BEND7: variants seen among roughly 807,000 people sequenced by gnomAD.
BEND7 encodes the protein BEN domain containing 7, also known as BEN domain-containing protein 7.
A neutral mutation model predicts 50.9 loss-of-function variants in BEND7; 28 were observed. That is an observed-to-expected ratio of 0.55 (90% confidence interval 0.41 to 0.75). The LOEUF (loss-of-function observed/expected upper bound fraction) is 0.75. Among genes scored for constraint, BEND7 ranks in the 30% least tolerant of loss-of-function variants. The pLI, the probability that BEND7 is intolerant of heterozygous loss-of-function variation, is 0.00. For synonymous variants in BEND7, 170 were observed against 183.9 expected (o/e 0.92, Z 0.61); for missense variants, 477 against 491.3 (o/e 0.97, Z 0.28).
chr10:13,441,961 T>A lies in BEND7; in HGVS notation c.1235-211A>T, dbSNP rs74122730. On this transcript the variant is annotated intron_variant, in intron 8 of 8. Coordinates refer to ENST00000466271, the MANE Select transcript of BEND7 (RefSeq NM_001369863.1). ...GCCACGCCTAAAGCCAGCTTTTTGTTACAGTACAGGGATGCCTTCTCTCAT... is the reference window on the plus strand; with the variant it reads ...GCCACGCCTAAAGCCAGCTTTTTGTAACAGTACAGGGATGCCTTCTCTCAT... 1,512 of 596,070 alleles carry A rather than the reference T, an allele frequency of 2.5e-3. 18 individuals carry two copies. In the African/African-American group the frequency reaches 0.026, roughly 10 times the overall value. The allele number at this position is 596,070 out of a possible 1,614,324, so 36.9% of individuals were successfully genotyped here. A position where few individuals can be genotyped will look rare whatever the true frequency, so the allele number is the denominator to read the frequency against.
chr10:13,519,336 T>C lies in BEND7; in HGVS notation c.145+6802A>G, dbSNP rs113342040. Among the ~76,000 whole-genome samples, 914 of 151,758 alleles carry C rather than the reference T, an allele frequency of 6.0e-3. 9 individuals carry two copies. The highest frequency in any genetic ancestry group is 0.021 in the African/African-American group (878 of 41,382). ...AAAAAATACAAAAAAATTAGCCGGG[T>C]GTGGTGGCGGGCACCTGTAGTCCCA... On this transcript the variant is annotated intron_variant, in intron 2 of 8. Transcript: ENST00000466271.
At position 13,502,061 on chromosome 10, in the gene BEND7, A is replaced by ATG. The variant is rs745930539; in HGVS notation, c.146-1983_146-1982dup. Reference sequence around the variant, plus strand: ...GATCAATATATGTATATATAAGGATATGTATATATATATATGGATCAACAT... The same window carrying ATG: ...GATCAATATATGTATATATAAGGATATGTGTATATATATATATGGATCAACAT... On this transcript the variant is annotated intron_variant, in intron 2 of 8. Coordinates refer to ENST00000466271, the MANE Select transcript of BEND7 (RefSeq NM_001369863.1). Among the ~76,000 whole-genome samples, 4 of 131,602 alleles carry ATG rather than the reference A, an allele frequency of 3.0e-5. No homozygotes were observed. The East Asian group carries it at 1.1e-3, about 35-fold the overall frequency. The allele number at this position is 131,602 out of a possible 152,430, so 86.3% of individuals were successfully genotyped here.
intron 1 of BEND7, among the ~76,000 whole-genome samples, chr10:13,526,782 G>C (rs1287903579): frequency 6.6e-6 from 1 of 152,184 alleles, no homozygotes; most frequent in African/African-American, 2.4e-5. Context: ...TTCGCATTCA[G>C]CTACTGCACT....
chr10:13,500,618 T>G, intron 2 of BEND7: 1 of 986,552 alleles, frequency 1.0e-6, no homozygotes. Context: ...CTGGCAGGGA[T>G]GCAGGGCTTC....
At position 13,447,252 on chromosome 10, in the gene BEND7, T is replaced by C. The variant is rs776106717; in HGVS notation, c.1234+14A>G. ...TTCCAGGAGGTGATGAAAATGTAAA[T>C]GCGTTTTATTTACCTGTTGGTGGTA... On this transcript the variant is annotated intron_variant, in intron 8 of 8. Coordinates refer to ENST00000466271, the MANE Select transcript of BEND7 (RefSeq NM_001369863.1). The C allele has an allele frequency of 1.9e-6, 3 of 1,613,836 alleles. No homozygotes were observed. Among genetic ancestry groups the C allele is most frequent in the Non-Finnish European group, 2.5e-6 (3 of 1,179,776 alleles).
At chr10:13,444,467 AG>A (rs1436990018) in intron 8 of BEND7, 13 of 152,192 alleles carry the variant, frequency 8.5e-5, no homozygotes, top group African/African-American at 2.9e-4. Flanking sequence ...CTTTGGAAGG[AG>A]GAAAAAAGAC....
intron 6 of BEND7, 148 bp from the exon 7 acceptor site, chr10:13,452,806 G>T: frequency 1.4e-6 from 1 of 730,838 alleles, no homozygotes; most frequent in Non-Finnish European, 2.1e-6. Context: ...TATTATATTT[G>T]TTTGGCAAAG....
chr10:13,506,867 A>G (rs1328500151), intron 2 of BEND7, among the ~76,000 whole-genome samples: 2 of 152,102 alleles, frequency 1.3e-5, no homozygotes, highest in South Asian at 2.1e-4. Context: ...GATAACCCCA[A>G]GGTTTCCAGC....
chr10:13,472,993 C>G (rs1303342547), intron 6 of BEND7, among the ~76,000 whole-genome samples: 1 of 151,440 alleles, frequency 6.6e-6, no homozygotes, highest in Non-Finnish European at 1.5e-5. Flanking sequence ...GGGGTTGATA[C>G]TCGTCATCGC....
At chr10:13,485,473 G>A (rs971477141) in intron 5 of BEND7, among the ~76,000 whole-genome samples, 3 of 152,150 alleles carry the variant, frequency 2.0e-5, no homozygotes, top group African/African-American at 7.2e-5. Context: ...TGGGGGGCTG[G>A]GCTGGCTGGT....
chr10:13,439,254 T>C (rs144681411), downstream of BEND7: 2 of 1,614,162 alleles, frequency 1.2e-6, no homozygotes, highest in Non-Finnish European at 1.7e-6. Flanking sequence ...TCTCTGATGA[T>C]GAAGTGTAGC....
intron 7 of BEND7, among the ~76,000 whole-genome samples, chr10:13,450,708 A>G (rs1321162206): frequency 6.6e-6 from 1 of 152,046 alleles, no homozygotes; most frequent in Non-Finnish European, 1.5e-5. Context: ...AAAAGTTACA[A>G]TGTCCAACAT....
At chr10:13,510,012 T>C (rs2078167817) in intron 2 of BEND7, among the ~76,000 whole-genome samples, 1 of 152,224 alleles carries the variant, frequency 6.6e-6, no homozygotes, top group South Asian at 2.1e-4. Context: ...TGTTCCCTGA[T>C]GAGTAACTGC....
chr10:13,485,854 CTA>C (rs1486479799), intron 5 of BEND7, among the ~76,000 whole-genome samples: 5 of 152,160 alleles, frequency 3.3e-5, no homozygotes, highest in Non-Finnish European at 7.3e-5. Context: ...GCAAGAATCA[CTA>C]TTATCATTTA....
intron 6 of BEND7, among the ~76,000 whole-genome samples, chr10:13,470,600 C>T (rs1296465801): frequency 3.3e-5 from 5 of 152,160 alleles, no homozygotes; most frequent in Admixed American, 2.0e-4. Context: ...TCCATTTGCT[C>T]CTTATGTAGT....
chr10:13,482,002 C>T (rs910396697), intron 5 of BEND7, among the ~76,000 whole-genome samples: 3 of 152,268 alleles, frequency 2.0e-5, no homozygotes, highest in Admixed American at 6.5e-5. Context: ...CTTTACAAAG[C>T]CTTCCAAATG....
rs1564374929 is a variant in BEND7, at chr10:13,500,010, C to A, written c.216G>T (p.Arg72=). The change falls in exon 3 of 9, where the codon CGG becomes CGT. Residue 72 remains arginine, a synonymous_variant. Coordinates refer to ENST00000466271, the MANE Select transcript of BEND7 (RefSeq NM_001369863.1). The part of the protein sequence containing the change: ...MRRLLNDSTG[R]IYQRVGKEGE... ...CTTCTTTGCCAACTCGCTGATAGAT[C>A]CGCCCAGTGCTGTCGTTCAGCAATC... is the stretch of plus-strand genomic sequence containing the variant. 1 of 1,613,972 alleles carries A rather than the reference C, an allele frequency of 6.2e-7. No homozygotes were observed.
At chr10:13,517,423 T>C (rs568695247) in intron 2 of BEND7, among the ~76,000 whole-genome samples, 10 of 152,028 alleles carry the variant, frequency 6.6e-5, no homozygotes, top group Non-Finnish European at 1.2e-4. Flanking sequence ...AGGCAGTTCA[T>C]GCAGGGTCTC....
chr10:13,514,208 A>G (rs1352837779), intron 2 of BEND7, among the ~76,000 whole-genome samples: 1 of 152,210 alleles, frequency 6.6e-6, no homozygotes, highest in Non-Finnish European at 1.5e-5. Context: ...ACAACCTCCC[A>G]GCCTGGCCTA....
Sources: allele counts gnomAD v4.1 joint callset (sites outside exome capture counted in the v4.1 genomes callset), GRCh38; gene constraint gnomAD v4.1.1; transcripts MANE v1.5; gene names NCBI Gene and HGNC (gene_info 2026-07-23, HGNC 2026-07-21).